Variants in RUSC1 observed in about 807,000 individuals in gnomAD.
RUSC1 encodes AP-4 complex accessory subunit RUSC1.
A neutral mutation model predicts 72.1 loss-of-function variants in RUSC1; 40 were observed. The ratio of observed to expected loss-of-function variants is 0.55; its 90% CI spans 0.43 to 0.72. The LOEUF (loss-of-function observed/expected upper bound fraction) is 0.72, where lower values mean the gene tolerates loss of function less well. Among genes scored for constraint, RUSC1 ranks in the 30% least tolerant of loss-of-function variants. The pLI is 0.00. For synonymous variants in RUSC1, 512 were observed against 494.2 expected, an observed-to-expected ratio of 1.04 and a Z score of -0.48; for missense variants, 1,092 against 1,172.3, an observed-to-expected ratio of 0.93 and a Z score of 1.00.
Position 155,330,841 on chromosome 1 carries a change from C to T in RUSC1, c.*270C>T. 1 of 317,862 alleles carries T rather than the reference C, an allele frequency of 3.1e-6. No individual in the cohort carries two copies. Among genetic ancestry groups the T allele is most frequent in the Admixed American group, 4.6e-5 (1 of 21,850 alleles). 19.7% of individuals were successfully genotyped at this position (317,862 alleles called of 1,614,324 possible). A position where few individuals can be genotyped will look rare whatever the true frequency, so the allele number is the denominator to read the frequency against. ...TCTATATAAGGGAATGTCTTCCTTC[C>T]TATCTATCTGCAAAATGGAAATCTA... On this transcript the variant is annotated 3_prime_UTR_variant, in exon 10 of 10. Coordinates refer to ENST00000368352, the MANE Select transcript of RUSC1 (RefSeq NM_001105203.2).
At position 155,326,603 on chromosome 1, in the gene RUSC1, C is replaced by T. The variant is rs1419719189; in HGVS notation, c.1885C>T (p.Pro629Ser). 7 of 1,613,150 alleles carry T rather than the reference C, an allele frequency of 4.3e-6. No homozygotes were observed. The South Asian group carries it at 7.7e-5, about 18-fold the overall frequency. ...DAGLLSLLYL[P>S]TGFFSLARGG... The stretch of plus-strand genomic sequence containing the variant: ...AGGCCTGCTCTCCCTCCTGTACCTG[C>T]CAACAGGATTTTTCTCCCTGGCCCG... Residue 629 changes from proline to serine, a missense_variant, in exon 8 of 10, where the codon CCA (proline) becomes TCA (serine). Physicochemically the swap from Pro to Ser is moderately conservative, Grantham distance 74. Transcript: ENST00000368352. The surrounding 1 kb of genome is among the most constrained non-coding windows in gnomAD (Gnocchi z 4.7).
chr1:155,321,294 T>G, intron 1 of RUSC1: 1 of 1,369,888 alleles, frequency 7.3e-7, no homozygotes. Context: ...ACCCCCATCC[T>G]CCACCTCCTT....
In RUSC1 at chr1:155,326,406, G is replaced by A. The variant is rs1651413496; in HGVS notation, c.1862-174G>A. On this transcript the variant is annotated intron_variant, in intron 7 of 9. Transcript: ENST00000368352. The surrounding 1 kb of genome is among the most constrained non-coding windows in gnomAD (Gnocchi z 4.7). ...GTGTGTGTCTTCCTATTTGGGCTAG[G>A]TTCCATGCAGGCGGGGATGTCAGTC... 4.6e-6 allele frequency: 3 copies of A among 645,756 alleles called. No individual in the cohort carries two copies. Among genetic ancestry groups the A allele is most frequent in the Admixed American group, 5.9e-5 (2 of 33,882 alleles). 40.0% of individuals were successfully genotyped at this position (645,756 alleles called of 1,614,324 possible).
chr1:155,321,828 C>G lies in RUSC1; in HGVS notation c.55C>G (p.His19Asp), dbSNP rs2148260787. ...CAACCTCAACCACATCCACCTCCAG[C>G]ACGTCTCCCTGGGCCTGCACTTGTC... ...LCNLNHIHLQ[H>D]VSLGLHLSRR... Residue 19 changes from histidine to aspartate, a missense_variant, in exon 2 of 10, where the codon CAC becomes GAC. By Grantham distance (81) the His-to-Asp change is moderately conservative. Coordinates refer to ENST00000368352, the MANE Select transcript of RUSC1 (RefSeq NM_001105203.2). 2 of 1,613,920 alleles carry G rather than the reference C, an allele frequency of 1.2e-6. No individual in the cohort carries two copies. Among genetic ancestry groups the G allele is most frequent in the East Asian group, 4.5e-5 (2 of 44,878 alleles).
intron 1 of RUSC1, chr1:155,321,300 T>A (rs1349081005): frequency 7.3e-7 from 1 of 1,370,276 alleles, no homozygotes. Context: ...ATCCTCCACC[T>A]CCTTTCAGGG....
Position 155,325,237 on chromosome 1 carries a change from G to A in RUSC1, c.1533+59G>A. 1 of 1,612,686 alleles carries A rather than the reference G, an allele frequency of 6.2e-7. No homozygotes were observed. The highest frequency in any genetic ancestry group is 1.1e-5 in the South Asian group (1 of 91,084). On this transcript the variant is annotated intron_variant, in intron 4 of 9. Coordinates refer to ENST00000368352, the MANE Select transcript of RUSC1 (RefSeq NM_001105203.2). This position sits in a 1 kb window ranked among gnomAD's most constrained non-coding sequence, Gnocchi z 6.5. ...GGAGAGTAATGGAGCTCCGCGGGGGGTGCGGGAATGGTTGGCGGGAGGTGG... is the reference window on the plus strand; with the variant it reads ...GGAGAGTAATGGAGCTCCGCGGGGGATGCGGGAATGGTTGGCGGGAGGTGG...
intron 2 of RUSC1, chr1:155,323,549 G>C (rs1310274272): frequency 6.5e-6 from 1 of 154,508 alleles, no homozygotes; most frequent in Non-Finnish European, 1.4e-5. Context: ...CGGCTGCTGG[G>C]GGCGCCGAGC....
Position 155,321,883 on chromosome 1 carries a change from T to C in RUSC1, c.110T>C (p.Leu37Ser), listed in dbSNP as rs1232906536. ...SRRPELQEGP[L>S]STPPPPGDTG... Reference sequence around the variant, plus strand: ...CGTCCTGAGCTACAGGAGGGGCCTTTGAGCACACCCCCTCCTCCAGGAGAC... The same window carrying C: ...CGTCCTGAGCTACAGGAGGGGCCTTCGAGCACACCCCCTCCTCCAGGAGAC... Residue 37 changes from leucine to serine, a missense_variant, in exon 2 of 10, where the codon TTG (leucine) becomes TCG (serine). Transcript: ENST00000368352. 4 of 1,613,194 alleles carry C rather than the reference T, an allele frequency of 2.5e-6. No homozygotes were observed. Among genetic ancestry groups the C allele is most frequent in the East Asian group, 2.2e-5 (1 of 44,882 alleles).
Position 155,327,117 on chromosome 1 carries a change from G to A in RUSC1, c.2399G>A (p.Gly800Glu). The A allele has an allele frequency of 6.2e-7, 1 of 1,604,662 alleles. No homozygotes were observed. Among genetic ancestry groups the A allele is most frequent in the Non-Finnish European group, 8.5e-7 (1 of 1,173,942 alleles). ...GGGGGCCCCGCAGAAAATGAGAATG[G>A]AGCCCTAAAGTCCAGGTAATGGGGT... is the stretch of plus-strand genomic sequence containing the variant. Reference protein sequence around the residue: ...VPGGPAENENGALKSRRPSSW... With the variant: ...VPGGPAENENEALKSRRPSSW... Residue 800 changes from glycine (G) to glutamate (E), a missense_variant, in exon 8 of 10, where the codon GGA becomes GAA. Transcript: ENST00000368352.
rs1425199654 is a variant in RUSC1, at chr1:155,325,436, A to C, written c.1654A>C (p.Thr552Pro). Residue 552 changes from threonine (T) to proline (P), a missense_variant, in exon 5 of 10, where the codon ACC becomes CCC. Transcript: ENST00000368352. The surrounding 1 kb of genome is among the most constrained non-coding windows in gnomAD (Gnocchi z 6.5). ...GAAGCCTTTCCGGAAGGACCTCATC[A>C]CCGGGCAGCGCAGGAGCAGCCCCTG... ...GLKPFRKDLI[T>P]GQRRSSPWSV... 4 of 1,592,502 alleles carry C rather than the reference A, an allele frequency of 2.5e-6. No individual in the cohort carries two copies. In the African/African-American group the frequency reaches 4.0e-5, roughly 16 times the overall value.
At chr1:155,324,209 G>T in intron 2 of RUSC1, 1 of 1,415,652 alleles carries the variant, frequency 7.1e-7, no homozygotes, top group Non-Finnish European at 9.2e-7. Flanking sequence ...GGGGTGGAGG[G>T]TGAAGCTCCC....
Position 155,321,946 on chromosome 1 carries a change from C to A in RUSC1, c.173C>A (p.Thr58Asn). ...GAGAGCAGGGGCCCCTGCAGTGGCA[C>A]CCTGGTGGACGCCAATTCCAACAGC... ...GKESRGPCSGTLVDANSNSPA... is the reference protein window; with the variant it reads ...GKESRGPCSGNLVDANSNSPA... The change falls in exon 2 of 10, where the codon ACC becomes AAC. Residue 58 changes from threonine to asparagine, a missense_variant. By Grantham distance (65) the Thr-to-Asn change is moderately conservative (BLOSUM62 0). Coordinates refer to ENST00000368352, the MANE Select transcript of RUSC1 (RefSeq NM_001105203.2). 6.2e-7 allele frequency: 1 copy of A among 1,601,558 alleles called. No homozygotes were observed. Among genetic ancestry groups the A allele is most frequent in the South Asian group, 1.1e-5 (1 of 89,382 alleles).
In RUSC1 at chr1:155,330,680, C is replaced by A; in HGVS notation, c.*109C>A. 1 of 1,091,492 alleles carries A rather than the reference C, an allele frequency of 9.2e-7. No homozygotes were observed. The highest frequency in any genetic ancestry group is 1.3e-6 in the Non-Finnish European group (1 of 782,604). 67.6% of individuals were successfully genotyped at this position (1,091,492 alleles called of 1,614,324 possible). A position where few individuals can be genotyped will look rare whatever the true frequency, so the allele number is the denominator to read the frequency against. ...TCCCTCTGCAAAATGACGTTTCTTC[C>A]CACGTCTGTTTCTGCTAATATTTAA... is the stretch of plus-strand genomic sequence containing the variant. On this transcript the variant is annotated 3_prime_UTR_variant, in exon 10 of 10. Transcript: ENST00000368352.
intron 2 of RUSC1, chr1:155,324,480 G>A (rs1380999499): frequency 6.2e-7 from 1 of 1,609,330 alleles, no homozygotes; most frequent in African/African-American, 1.3e-5. Context: ...GGTGCGCTGG[G>A]CTACACCTCC....
Position 155,321,258 on chromosome 1 carries a change from A to G in RUSC1, c.-87+267A>G, listed in dbSNP as rs758566017. On this transcript the variant is annotated intron_variant, in intron 1 of 9. Coordinates refer to ENST00000368352, the MANE Select transcript of RUSC1 (RefSeq NM_001105203.2). ...CAGCCCCCACCCCTTTCCTGCATTC[A>G]CCAGACAAACTCTGCGTATTGCCCC... 3 of 1,366,156 alleles carry G rather than the reference A, an allele frequency of 2.2e-6. No homozygotes were observed. The Admixed American group carries it at 5.8e-5, about 26-fold the overall frequency. 84.6% of individuals were successfully genotyped at this position (1,366,156 alleles called of 1,614,324 possible). A position where few individuals can be genotyped will look rare whatever the true frequency, so the allele number is the denominator to read the frequency against.
chr1:155,327,233 T>A (rs375008114), intron 8 of RUSC1, 101 bp downstream of exon 8: 3 of 1,248,118 alleles, frequency 2.4e-6, no homozygotes, highest in Middle Eastern at 4.5e-4. Context: ...GGGCAGAGAT[T>A]GGCGGTCTGT....
Position 155,321,669 on chromosome 1 carries a change from C to T in RUSC1, c.-86-19C>T, listed in dbSNP as rs1383844858. On this transcript the variant is annotated intron_variant, in intron 1 of 9. Coordinates refer to ENST00000368352, the MANE Select transcript of RUSC1 (RefSeq NM_001105203.2). ...GCTCTTGTCCTCACTGGCCGGGCTTCACCACCTCTGTCTTCTAGGTCTGCA... is the reference window on the plus strand; with the variant it reads ...GCTCTTGTCCTCACTGGCCGGGCTTTACCACCTCTGTCTTCTAGGTCTGCA... 8.8e-6 allele frequency: 13 copies of T among 1,479,156 alleles called. No individual in the cohort carries two copies. Among genetic ancestry groups the T allele is most frequent in the Non-Finnish European group, 1.2e-5 (13 of 1,075,896 alleles). The allele number at this position is 1,479,156 out of a possible 1,614,324, so 91.6% of individuals were successfully genotyped here.
In RUSC1 at chr1:155,328,181, A is replaced by G; in HGVS notation, c.2446A>G (p.Ser816Gly). Reference protein sequence around the residue: ...RPSSWLPPTVSVLALVKRGAP... With the variant: ...RPSSWLPPTVGVLALVKRGAP... Reference sequence around the variant, plus strand: ...ATCTAGCTGGCTGCCCCCGACAGTGAGTGTGTTGGCTCTTGTGAAGCGGGG... The same window carrying G: ...ATCTAGCTGGCTGCCCCCGACAGTGGGTGTGTTGGCTCTTGTGAAGCGGGG... Residue 816 changes from serine to glycine, a missense_variant, in exon 9 of 10, where the codon AGT (serine) becomes GGT (glycine). Coordinates refer to ENST00000368352, the MANE Select transcript of RUSC1 (RefSeq NM_001105203.2). The G allele has an allele frequency of 1.9e-6, 3 of 1,613,346 alleles. No homozygotes were observed. The highest frequency in any genetic ancestry group is 2.5e-6 in the Non-Finnish European group (3 of 1,179,726).
rs1213641208 is a variant in RUSC1 at position 155,328,179 on chromosome 1, T to C, written c.2444T>C (p.Val815Ala). 1 of 1,613,338 alleles carries C rather than the reference T, an allele frequency of 6.2e-7. No individual in the cohort carries two copies. The highest frequency in any genetic ancestry group is 1.3e-5 in the African/African-American group (1 of 74,902). Residue 815 changes from valine to alanine, a missense_variant, in exon 9 of 10, where the codon GTG (valine) becomes GCG (alanine). Coordinates refer to ENST00000368352, the MANE Select transcript of RUSC1 (RefSeq NM_001105203.2). ...CCATCTAGCTGGCTGCCCCCGACAGTGAGTGTGTTGGCTCTTGTGAAGCGG... is the reference window on the plus strand; with the variant it reads ...CCATCTAGCTGGCTGCCCCCGACAGCGAGTGTGTTGGCTCTTGTGAAGCGG... ...RRPSSWLPPT[V>A]SVLALVKRGA...
Sources: gnomAD v4.1 joint callset for allele counts on GRCh38, gnomAD v4.1.1 for gene constraint, Gnocchi (gnomAD v3.1) non-coding constraint, MANE v1.5 for transcripts, NCBI Gene and HGNC (gene_info 2026-07-23, HGNC 2026-07-21) for gene names.